Variants in TMLHE observed in about 807,000 individuals in gnomAD.
TMLHE encodes trimethyllysine hydroxylase, epsilon, also known as trimethyllysine dioxygenase, mitochondrial.
Under a neutral mutation model 25.7 loss-of-function variants are expected in TMLHE, and 18 were observed. That is an observed-to-expected ratio of 0.70 (90% confidence interval 0.48 to 1.04). The LOEUF (loss-of-function observed/expected upper bound fraction) is 1.04. Among genes scored for constraint, TMLHE ranks in the 50% least tolerant of loss-of-function variants. The pLI, the probability that TMLHE is intolerant of heterozygous loss-of-function variation, is 0.00. For missense variants in TMLHE, 236 were observed against 259.0 expected (o/e 0.91, Z 0.61); for synonymous variants, 105 against 97.0 (o/e 1.08, Z -0.49).
In TMLHE at chrX:155,507,004, A is replaced by G. The variant is rs1470562481; in HGVS notation, c.889T>C (p.Leu297=). ...EEFELLSKVP[L]KHEYIEDVGE... Reference sequence around the variant, plus strand: ...ACATCTTCAATATATTCATGCTTCAATGGCACTTTACTGAGGAGTTCAAAT... The same window carrying G: ...ACATCTTCAATATATTCATGCTTCAGTGGCACTTTACTGAGGAGTTCAAAT... Residue 297 remains leucine, a synonymous_variant, in exon 6 of 8, where the codon TTG becomes CTG. Coordinates refer to ENST00000334398, the MANE Select transcript of TMLHE (RefSeq NM_018196.4). 1.7e-6 allele frequency: 2 copies of G among 1,207,926 alleles called. No individual in the cohort carries two copies. Among genetic ancestry groups the G allele is most frequent in the African/African-American group, 3.5e-5 (2 of 56,938 alleles).
intron 1 of TMLHE, among the ~76,000 whole-genome samples, chrX:155,593,460 C>T (rs2067703797): frequency 8.9e-6 from 1 of 112,010 alleles, no homozygotes; most frequent in Admixed American, 9.5e-5. Flanking sequence ...CAAAGAACTC[C>T]TGTAAAGGTT....
At chrX:155,547,327 G>T (rs1021357888) in intron 1 of TMLHE, among the ~76,000 whole-genome samples, 1 of 105,581 alleles carries the variant, frequency 9.5e-6, no homozygotes, top group Non-Finnish European at 2.0e-5. Flanking sequence ...TGTATTTTTA[G>T]TAGAGACGGG....
intron 1 of TMLHE, 109 bp from the exon 2 acceptor site, chrX:155,545,386 CA>C (rs1483924125): frequency 1.6e-6 from 1 of 612,404 alleles, no homozygotes; most frequent in African/African-American, 2.3e-5. Flanking sequence ...TTAATGATCT[CA>C]ATACAGAGGA....
Position 155,575,376 on chromosome X carries a change from G to A in TMLHE, c.-1-30099C>T, listed in dbSNP as rs144989100. Among the ~76,000 whole-genome samples, 86 of 111,836 alleles carry A rather than the reference G, an allele frequency of 7.7e-4. 2 individuals are homozygous for A. In the East Asian group the frequency reaches 0.016, roughly 21 times the overall value. On this transcript the variant is annotated intron_variant, in intron 1 of 7. Coordinates refer to ENST00000334398, the MANE Select transcript of TMLHE (RefSeq NM_018196.4). ...GGAGGGACAAAATTCAATGCATATC[G>A]TAACATATGAGTCATTGGAGTCCAA... is the stretch of plus-strand genomic sequence containing the variant.
chrX:155,550,896 C>G (rs782799831), intron 1 of TMLHE, among the ~76,000 whole-genome samples: 1 of 111,017 alleles, frequency 9.0e-6, no homozygotes, highest in East Asian at 2.8e-4. Flanking sequence ...TTTCTTCAGC[C>G]TGGCTATCTT....
chrX:155,564,586 T>A (rs2067506693), intron 1 of TMLHE, among the ~76,000 whole-genome samples: 1 of 61,822 alleles, frequency 1.6e-5, no homozygotes, highest in African/African-American at 3.6e-5. Flanking sequence ...GAACAGTTGA[T>A]GGGAAGTGTA....
At chrX:155,545,688 A>G (rs782372081) in intron 1 of TMLHE, among the ~76,000 whole-genome samples, 17 of 112,061 alleles carry the variant, frequency 1.5e-4, no homozygotes, top group Non-Finnish European at 2.8e-4. Flanking sequence ...AGCACAATGC[A>G]TTACCTTTTC....
chrX:155,558,382 A>G (rs1402463781), intron 1 of TMLHE, among the ~76,000 whole-genome samples: 1 of 111,601 alleles, frequency 9.0e-6, no homozygotes, highest in African/African-American at 3.3e-5. Context: ...AATAGTCTTT[A>G]TGTGTTTCTT....
At position 155,513,574 on chromosome X, in the gene TMLHE, T is replaced by C. The variant is rs149670306; in HGVS notation, c.638+412A>G. 4.6e-3 allele frequency among the ~76,000 whole-genome samples: 508 copies of C among 110,019 alleles called. 2 individuals carry two copies. The highest frequency in any genetic ancestry group is 0.015 in the African/African-American group (466 of 30,238). ...ATCACAGAAGGTCAAATTGAACAGA[T>C]GGGAAAATAGAGGACAGTGGGGGTC... On this transcript the variant is annotated intron_variant, in intron 4 of 7. Coordinates refer to ENST00000334398, the MANE Select transcript of TMLHE (RefSeq NM_018196.4).
chrX:155,537,683 G>T (rs782453939), intron 2 of TMLHE, among the ~76,000 whole-genome samples: 1 of 109,571 alleles, frequency 9.1e-6, no homozygotes, highest in Non-Finnish European at 1.9e-5. Context: ...ATATTCCATG[G>T]TCCATCATTT....
intron 4 of TMLHE, among the ~76,000 whole-genome samples, chrX:155,512,238 A>G (rs1281298475): frequency 9.1e-6 from 1 of 109,399 alleles, no homozygotes; most frequent in Non-Finnish European, 1.9e-5. Flanking sequence ...ACATATGTAT[A>G]CATGTGCCAT....
At chrX:155,553,380 G>C (rs782422082) in intron 1 of TMLHE, among the ~76,000 whole-genome samples, 1 of 108,689 alleles carries the variant, frequency 9.2e-6, no homozygotes, top group East Asian at 2.9e-4. Context: ...CAGAATAATT[G>C]TATCTTCTTG....
chrX:155,559,845 C>A (rs1427744211), intron 1 of TMLHE, among the ~76,000 whole-genome samples: 1 of 112,101 alleles, frequency 8.9e-6, no homozygotes, highest in South Asian at 3.7e-4. Flanking sequence ...ATATTCCAAT[C>A]CATTGTCCAT....
intron 2 of TMLHE, among the ~76,000 whole-genome samples, chrX:155,537,815 A>G (rs2067287842): frequency 9.0e-6 from 1 of 110,950 alleles, no homozygotes; most frequent in African/African-American, 3.3e-5. Flanking sequence ...AAGCAGCTGA[A>G]AATTGCTGGA....
At chrX:155,603,250 A>G (rs2067766288) in intron 1 of TMLHE, among the ~76,000 whole-genome samples, 1 of 111,102 alleles carries the variant, frequency 9.0e-6, no homozygotes, top group African/African-American at 3.3e-5. Flanking sequence ...GGATCGTTTG[A>G]GCCTGGGAGG....
intron 1 of TMLHE, among the ~76,000 whole-genome samples, chrX:155,546,725 T>C (rs2124414068): frequency 9.0e-6 from 1 of 111,656 alleles, no homozygotes; most frequent in Admixed American, 9.5e-5. Flanking sequence ...ATTTTGTGGC[T>C]GAGGGCAAAG....
chrX:155,544,185 G>C (rs2067329639), intron 2 of TMLHE, among the ~76,000 whole-genome samples: 1 of 111,579 alleles, frequency 9.0e-6, no homozygotes, highest in Non-Finnish European at 1.9e-5. Flanking sequence ...TCTCTTCCAG[G>C]GTGTGGTAGA....
chrX:155,507,142 GAGAAA>G lies in TMLHE; in HGVS notation c.759-13_759-9del, dbSNP rs2067080978. ...CAATGAAACACTTGAATGCTAAAGAGAGAAAAGAAAATTCTTCTGTTCAGTGGAAG... is the reference window on the plus strand; with the variant it reads ...CAATGAAACACTTGAATGCTAAAGAGAGAAAATTCTTCTGTTCAGTGGAAG... On this transcript the variant is annotated splice_polypyrimidine_tract_variant and intron_variant, in intron 5 of 7. Coordinates refer to ENST00000334398, the MANE Select transcript of TMLHE (RefSeq NM_018196.4). The G allele has an allele frequency of 8.6e-7, 1 of 1,161,473 alleles. No individual in the cohort carries two copies. The highest frequency in any genetic ancestry group is 1.2e-6 in the Non-Finnish European group (1 of 852,490).
intron 5 of TMLHE, 118 bp downstream of exon 5, chrX:155,511,555 C>A: frequency 1.4e-6 from 1 of 724,949 alleles, no homozygotes; most frequent in South Asian, 4.9e-5. Flanking sequence ...AAGAGAAAGT[C>A]ATACAAATCT....
Sources: gnomAD v4.1 joint callset for allele counts (sites outside exome capture counted in the v4.1 genomes callset) on GRCh38, gnomAD v4.1.1 for gene constraint, MANE v1.5 for transcripts, NCBI Gene and HGNC (gene_info 2026-07-23, HGNC 2026-07-21) for gene names.